OLFML2B: variants seen among roughly 807,000 people sequenced by gnomAD.
OLFML2B encodes the protein olfactomedin like 2B, also known as olfactomedin-like protein 2B.
In OLFML2B, 57 loss-of-function variants were observed where a neutral mutation model predicts 74.9. That is an observed-to-expected ratio of 0.76 (90% confidence interval 0.61 to 0.95). The LOEUF is 0.95. Ranked by LOEUF, OLFML2B falls within the 40% of genes least tolerant of loss-of-function variation. OLFML2B has a pLI of 0.00. For synonymous variants in OLFML2B, 388 were observed against 405.8 expected, an observed-to-expected ratio of 0.96 and a Z score of 0.53; for missense variants, 986 against 970.6, an observed-to-expected ratio of 1.02 and a Z score of -0.21.
Position 161,983,639 on chromosome 1 carries a change from G to A in OLFML2B, c.*36C>T, listed in dbSNP as rs2101940551. 6.3e-7 allele frequency: 1 copy of A among 1,578,468 alleles called. No individual in the cohort carries two copies. Among genetic ancestry groups the A allele is most frequent in the South Asian group, 1.2e-5 (1 of 84,570 alleles). On this transcript the variant is annotated 3_prime_UTR_variant, in exon 8 of 8. Coordinates refer to ENST00000294794, the MANE Select transcript of OLFML2B (RefSeq NM_015441.3). The stretch of plus-strand genomic sequence containing the variant: ...ACACACATACACACAAGGTGCTAGT[G>A]ACCCCTCTGTGCTTCTGCTTGTGGG...
chr1:162,019,847 C>T, intron 2 of OLFML2B, 72 bp downstream of exon 2: 4 of 1,555,942 alleles, frequency 2.6e-6, no homozygotes, highest in Non-Finnish European at 2.6e-6. Flanking sequence ...AATCTTCAAC[C>T]ATGGCCTTAC....
intron 6 of OLFML2B, among the ~76,000 whole-genome samples, 187 bp downstream of exon 6, chr1:161,997,638 A>C (rs1689949687): frequency 6.6e-6 from 1 of 152,180 alleles, no homozygotes; most frequent in Admixed American, 6.5e-5. Context: ...CACCCTTGCC[A>C]CTGGCACATT....
intron 6 of OLFML2B, among the ~76,000 whole-genome samples, chr1:161,995,105 A>C (rs569748486): frequency 1.3e-5 from 2 of 152,336 alleles, no homozygotes; most frequent in South Asian, 4.1e-4. Flanking sequence ...AGAGAATGTT[A>C]GGGTATGAAA....
chr1:162,000,381 C>A, intron 4 of OLFML2B, 43 bp from the exon 5 acceptor site: 1 of 1,557,892 alleles, frequency 6.4e-7, no homozygotes, highest in South Asian at 1.1e-5. Flanking sequence ...GGTCACTGGT[C>A]AGAGAGGCAG....
At chr1:162,005,427 T>A (rs1261063422) in intron 4 of OLFML2B, among the ~76,000 whole-genome samples, 1 of 152,198 alleles carries the variant, frequency 6.6e-6, no homozygotes, top group Admixed American at 6.5e-5. Context: ...ATCTGTAAAA[T>A]GAGGCTATTG....
chr1:162,004,234 G>T (rs935600501), intron 4 of OLFML2B, among the ~76,000 whole-genome samples: 1 of 152,114 alleles, frequency 6.6e-6, no homozygotes, highest in Non-Finnish European at 1.5e-5. Flanking sequence ...GTAATGAGTG[G>T]GAGCCTTCAA....
chr1:162,015,122 A>T (rs1690495344), intron 3 of OLFML2B, among the ~76,000 whole-genome samples: 2 of 152,230 alleles, frequency 1.3e-5, no homozygotes, highest in African/African-American at 4.8e-5. Context: ...ATGCTATACA[A>T]ATGTAAGGGA....
intron 4 of OLFML2B, among the ~76,000 whole-genome samples, chr1:162,004,942 T>A (rs1230458124): frequency 6.6e-6 from 1 of 152,240 alleles, no homozygotes; most frequent in East Asian, 1.9e-4. Flanking sequence ...CCAGTTAAAA[T>A]GAGCAAAGTC....
In OLFML2B at chr1:162,020,078, A is replaced by C. The variant is rs766984108; in HGVS notation, c.279T>G (p.Asn93Lys). The C allele has an allele frequency of 6.2e-7, 1 of 1,614,190 alleles. No homozygotes were observed. Among genetic ancestry groups the C allele is most frequent in the Non-Finnish European group, 8.5e-7 (1 of 1,180,022 alleles). ...AGTCTTCCTTCCTGGAGGCCCCCGC[A>C]TTGATCCTCTGGCAGGCATCCCGGC... ...PLGRDACQRI[N>K]AGASRKEDFY... The change falls in exon 2 of 8, where the codon AAT becomes AAG. Residue 93 changes from asparagine (N) to lysine (K), a missense_variant. Physicochemically the swap from Asn to Lys is moderately conservative, Grantham distance 94. Transcript: ENST00000294794.
At chr1:162,005,902 C>CTAAAAAAAAA (rs368990706) in intron 4 of OLFML2B, among the ~76,000 whole-genome samples, 3 of 77,906 alleles carry the variant, frequency 3.9e-5, no homozygotes, top group Admixed American at 1.5e-4. Flanking sequence ...TGGAACCTAT[C>CTAAAAAAAAA]AAAAAAAAAA....
At chr1:162,019,783 T>C in intron 2 of OLFML2B, 136 bp downstream of exon 2, 1 of 1,131,338 alleles carries the variant, frequency 8.8e-7, no homozygotes, top group South Asian at 1.6e-5. Flanking sequence ...ACATCAACCT[T>C]GATCCACACA....
At chr1:162,011,217 T>C (rs1016234876) in intron 3 of OLFML2B, among the ~76,000 whole-genome samples, 4 of 152,296 alleles carry the variant, frequency 2.6e-5, no homozygotes, top group African/African-American at 9.6e-5. Flanking sequence ...GGAGGCTGCC[T>C]GGTAGGTCCT....
intron 6 of OLFML2B, among the ~76,000 whole-genome samples, chr1:161,996,534 T>C (rs1466487975): frequency 6.6e-6 from 1 of 152,246 alleles, no homozygotes. Context: ...GAAAGATATG[T>C]ATAAGGCAGG....
chr1:161,996,239 ACAC>A (rs1180702283), intron 6 of OLFML2B, among the ~76,000 whole-genome samples: 2 of 152,228 alleles, frequency 1.3e-5, no homozygotes, highest in Non-Finnish European at 2.9e-5. Flanking sequence ...CAAATAAAAA[ACAC>A]CATAAGGAGA....
intron 6 of OLFML2B, among the ~76,000 whole-genome samples, chr1:161,994,406 T>C (rs1012069393): frequency 2.6e-5 from 4 of 152,256 alleles, no homozygotes; most frequent in African/African-American, 9.6e-5. Flanking sequence ...TCATAGTTCA[T>C]GGTATTTTCT....
intron 3 of OLFML2B, among the ~76,000 whole-genome samples, chr1:162,011,610 C>T (rs1690389293): frequency 6.6e-6 from 1 of 152,206 alleles, no homozygotes; most frequent in African/African-American, 2.4e-5. Flanking sequence ...CAGGGAGCCA[C>T]CAGCTGCCCC....
In OLFML2B at chr1:162,000,246, CA is replaced by C; in HGVS notation, c.815del (p.Val272GlyfsTer2). 1 of 1,613,890 alleles carries C rather than the reference CA, an allele frequency of 6.2e-7. No homozygotes were observed. The highest frequency in any genetic ancestry group is 8.5e-7 in the Non-Finnish European group (1 of 1,180,046). Reference sequence around the variant, plus strand: ...TCTGCAGGGGCCGCTGTGACTTCACCACCTCAGGCAGAGCCAGGGGTCGCGT... The same window carrying C: ...TCTGCAGGGGCCGCTGTGACTTCACCCCTCAGGCAGAGCCAGGGGTCGCGT... ...LQTRPLALPE[V>X]VKSQRPLQRQ... On this transcript the variant is annotated frameshift_variant, in exon 5 of 8. Coordinates refer to ENST00000294794, the MANE Select transcript of OLFML2B (RefSeq NM_015441.3). LOFTEE classifies it high-confidence loss of function.
At chr1:162,000,005 G>A (rs983217880) in intron 5 of OLFML2B, 108 bp downstream of exon 5, 2 of 796,928 alleles carry the variant, frequency 2.5e-6, no homozygotes, top group African/African-American at 3.4e-5. Flanking sequence ...TAATTGGAAT[G>A]CTGTGTATGG....
chr1:161,992,710 G>T (rs1392390937), intron 6 of OLFML2B, among the ~76,000 whole-genome samples: 1 of 152,190 alleles, frequency 6.6e-6, no homozygotes, highest in Non-Finnish European at 1.5e-5. Context: ...AATGCCAGTT[G>T]GGGGAGCAGC....
Sources: allele counts gnomAD v4.1 joint callset (sites outside exome capture counted in the v4.1 genomes callset), GRCh38; gene constraint gnomAD v4.1.1; transcripts MANE v1.5; gene names NCBI Gene and HGNC (gene_info 2026-07-23, HGNC 2026-07-21).